Variants in ADGRL3 observed in about 807,000 individuals in gnomAD.
ADGRL3 encodes calcium-independent alpha-latrotoxin receptor 3.
Under a neutral mutation model 153.5 loss-of-function variants are expected in ADGRL3, and 62 were observed. The ratio of observed to expected loss-of-function variants is 0.40; its 90% CI spans 0.33 to 0.50. The LOEUF (loss-of-function observed/expected upper bound fraction) is 0.50. Ranked by LOEUF, ADGRL3 falls within the 20% of genes least tolerant of loss-of-function variation. The probability of loss-of-function intolerance (pLI) is 0.47; values close to 1 mark genes in which losing one functional copy is unlikely to be tolerated. For synonymous variants in ADGRL3, 710 were observed against 672.5 expected, an observed-to-expected ratio of 1.06 and a Z score of -0.86; for missense variants, 1,641 against 1,859.4, an observed-to-expected ratio of 0.88 and a Z score of 2.16.
chr4:61,381,628 GA>G (rs550519273), intron 1 of ADGRL3, among the ~76,000 whole-genome samples: 2 of 151,538 alleles, frequency 1.3e-5, no homozygotes, highest in Non-Finnish European at 2.9e-5. Flanking sequence ...AGATGGGAGG[GA>G]AAAAAATAAA....
chr4:61,291,085 T>A (rs1331628623), intron 1 of ADGRL3, among the ~76,000 whole-genome samples: 1 of 151,874 alleles, frequency 6.6e-6, no homozygotes, highest in Non-Finnish European at 1.5e-5. Context: ...TGGTTCCTTA[T>A]TAAGACATTT....
chr4:61,644,867 C>G (rs2093888270), intron 5 of ADGRL3, among the ~76,000 whole-genome samples: 1 of 151,838 alleles, frequency 6.6e-6, no homozygotes, highest in African/African-American at 2.4e-5. Context: ...GTTGATCTGT[C>G]TAATGTTGAC....
intron 9 of ADGRL3, among the ~76,000 whole-genome samples, chr4:61,822,029 A>C (rs2097760488): frequency 6.6e-6 from 1 of 152,214 alleles, no homozygotes; most frequent in Non-Finnish European, 1.5e-5. Flanking sequence ...AAGAGTCTGC[A>C]GGCCAGTTCT....
intron 4 of ADGRL3, among the ~76,000 whole-genome samples, chr4:61,535,222 G>A (rs954779816): frequency 6.6e-6 from 1 of 151,890 alleles, no homozygotes; most frequent in African/African-American, 2.4e-5. Context: ...TTTTAATTTG[G>A]TGCATGGAGT....
intron 2 of ADGRL3, among the ~76,000 whole-genome samples, chr4:61,419,638 T>A (rs771210232): frequency 3.2e-4 from 48 of 152,190 alleles, no homozygotes; most frequent in Non-Finnish European, 5.9e-4. Context: ...GGAAATCAAT[T>A]TGTTTTTCTC....
chr4:61,748,324 C>G (rs2096701100), intron 8 of ADGRL3, among the ~76,000 whole-genome samples: 1 of 152,124 alleles, frequency 6.6e-6, no homozygotes, highest in Non-Finnish European at 1.5e-5. Flanking sequence ...CATCAAGCTA[C>G]CAATGACTTT....
chr4:61,270,395 T>C (rs942148085), intron 1 of ADGRL3, among the ~76,000 whole-genome samples: 3 of 151,834 alleles, frequency 2.0e-5, no homozygotes, highest in Non-Finnish European at 3.0e-5. Flanking sequence ...ATTTTACTTG[T>C]TACTAACACC....
At chr4:61,265,636 T>C (rs909586116) in intron 1 of ADGRL3, among the ~76,000 whole-genome samples, 2 of 151,916 alleles carry the variant, frequency 1.3e-5, no homozygotes, top group Non-Finnish European at 2.9e-5. Context: ...GATAATTGGC[T>C]GAAATGGACA....
intron 2 of ADGRL3, among the ~76,000 whole-genome samples, chr4:61,405,033 T>C (rs1460309804): frequency 6.6e-6 from 1 of 152,026 alleles, no homozygotes; most frequent in Non-Finnish European, 1.5e-5. Flanking sequence ...AGAAGTTCTT[T>C]GTCAACCCCA....
intron 19 of ADGRL3, among the ~76,000 whole-genome samples, chr4:61,992,207 T>G (rs2099105969): frequency 6.6e-6 from 1 of 152,152 alleles, no homozygotes; most frequent in Non-Finnish European, 1.5e-5. Flanking sequence ...CAGGTCTGTC[T>G]TACCATTCAC....
chr4:61,479,351 C>T (rs2098106585), intron 2 of ADGRL3, among the ~76,000 whole-genome samples: 1 of 152,024 alleles, frequency 6.6e-6, no homozygotes, highest in South Asian at 2.1e-4. Context: ...GCCCCCCATG[C>T]AAGGGCCATT....
At chr4:61,576,744 T>C (rs1024623008) in intron 4 of ADGRL3, among the ~76,000 whole-genome samples, 1 of 151,662 alleles carries the variant, frequency 6.6e-6, no homozygotes, top group Non-Finnish European at 1.5e-5. Context: ...GTGGAATACA[T>C]ATCAACTTCT....
intron 9 of ADGRL3, among the ~76,000 whole-genome samples, chr4:61,819,592 C>A (rs1041339813): frequency 5.9e-5 from 9 of 151,912 alleles, no homozygotes; most frequent in African/African-American, 2.2e-4. Context: ...GACTATATTC[C>A]TATAGGAAAA....
intron 6 of ADGRL3, among the ~76,000 whole-genome samples, chr4:61,690,669 G>A (rs2095524226): frequency 6.6e-6 from 1 of 152,094 alleles, no homozygotes; most frequent in South Asian, 2.1e-4. Flanking sequence ...TTTTGCTGGA[G>A]AGGAAATGTA....
At chr4:61,754,179 T>C (rs1291835583) in intron 8 of ADGRL3, among the ~76,000 whole-genome samples, 1 of 152,224 alleles carries the variant, frequency 6.6e-6, no homozygotes, top group African/African-American at 2.4e-5. Flanking sequence ...ACATATTATT[T>C]TCAAATATGA....
chr4:61,599,287 C>A (rs757161350), intron 5 of ADGRL3, among the ~76,000 whole-genome samples: 8 of 152,126 alleles, frequency 5.3e-5, no homozygotes, highest in Non-Finnish European at 7.3e-5. Flanking sequence ...TGAGGCAGGA[C>A]CCTCTCTGGA....
rs570009922 is a variant in ADGRL3, at chr4:61,804,142, A to C, written c.1400-9667A>C. On this transcript the variant is annotated intron_variant, in intron 8 of 26. Transcript: ENST00000683033. ...TTAGGTGGTAAAATTCACTGTCATCATCCTGGGAGAATATCCATATTTTTT... is the reference window on the plus strand; with the variant it reads ...TTAGGTGGTAAAATTCACTGTCATCCTCCTGGGAGAATATCCATATTTTTT... Among the ~76,000 whole-genome samples, 6 of 152,308 alleles carry C rather than the reference A, an allele frequency of 3.9e-5. No individual in the cohort carries two copies. The East Asian group carries it at 1.2e-3, about 29-fold the overall frequency.
intron 8 of ADGRL3, among the ~76,000 whole-genome samples, chr4:61,793,734 C>G (rs1049410354): frequency 6.6e-6 from 1 of 152,124 alleles, no homozygotes; most frequent in Admixed American, 6.5e-5. Flanking sequence ...TTCCAAAACT[C>G]AAAACGATAA....
intron 2 of ADGRL3, among the ~76,000 whole-genome samples, chr4:61,433,017 A>T (rs1280208186): frequency 6.6e-6 from 1 of 152,094 alleles, no homozygotes; most frequent in Non-Finnish European, 1.5e-5. Context: ...CATAGAACAG[A>T]GAAATAAAAT....
Sources: allele counts gnomAD v4.1 joint callset (sites outside exome capture counted in the v4.1 genomes callset), GRCh38; gene constraint gnomAD v4.1.1; transcripts MANE v1.5; gene names NCBI Gene and HGNC (gene_info 2026-07-23, HGNC 2026-07-21).